Variants in ALB observed in about 807,000 individuals in gnomAD.
ALB encodes albumin, also known as serum albumin.
Under a neutral mutation model 74.5 loss-of-function variants are expected in ALB, and 37 were observed. That is an observed-to-expected ratio of 0.50 (90% confidence interval 0.38 to 0.65). The LOEUF is 0.65. Ranked by LOEUF, ALB falls within the 30% of genes least tolerant of loss-of-function variation. The probability of loss-of-function intolerance (pLI) is 0.00; values close to 1 mark genes in which losing one functional copy is unlikely to be tolerated. For missense variants in ALB, 685 were observed against 718.7 expected, an observed-to-expected ratio of 0.95 and a Z score of 0.54; for synonymous variants, 249 against 251.6, an observed-to-expected ratio of 0.99 and a Z score of 0.10.
At position 73,416,107 on chromosome 4, in the gene ALB, G is replaced by A. The variant is rs532994237; in HGVS notation, c.1192-149G>A. ...AGCTCACCAAATAAATAGTTCGAAT[G>A]TATTGTGACAGAGCGGCATTGATAT... On this transcript the variant is annotated intron_variant, in intron 9 of 14. Transcript: ENST00000295897. 1.8e-5 allele frequency: 12 copies of A among 652,072 alleles called. No homozygotes were observed. In the South Asian group the frequency reaches 2.1e-4, roughly 11 times the overall value. 40.4% of individuals were successfully genotyped at this position (652,072 alleles called of 1,614,324 possible). A position where few individuals can be genotyped will look rare whatever the true frequency, so the allele number is the denominator to read the frequency against.
chr4:73,412,286 T>G, intron 7 of ALB, 161 bp downstream of exon 7: 3 of 900,906 alleles, frequency 3.3e-6, no homozygotes, highest in Non-Finnish European at 5.3e-6. Context: ...GGTGGTACCT[T>G]TCTGTTTTTA....
chr4:73,405,645 C>T (rs1718701588), intron 2 of ALB, among the ~76,000 whole-genome samples: 1 of 151,566 alleles, frequency 6.6e-6, no homozygotes. Context: ...GGCTGGAGTG[C>T]AGTGGCGCAA....
rs1263304231 is a variant in ALB at position 73,409,364 on chromosome 4, T to C, written c.492T>C (p.Tyr164=). The change falls in exon 5 of 15, where the codon TAT becomes TAC. Residue 164 remains tyrosine, a synonymous_variant. Coordinates refer to ENST00000295897, the MANE Select transcript of ALB (RefSeq NM_000477.7). ...CTTTTTCAAAATTTAGATACTTATA[T>C]GAAATTGCCAGAAGACATCCTTACT... ...NEETFLKKYL[Y]EIARRHPYFY... is the part of the protein sequence containing the mutation. The C allele has an allele frequency of 1.9e-6, 3 of 1,613,730 alleles. No homozygotes were observed. The highest frequency in any genetic ancestry group is 2.5e-6 in the Non-Finnish European group (3 of 1,179,684).
intron 11 of ALB, 86 bp downstream of exon 11, chr4:73,417,755 GAAGT>G (rs1452052405): frequency 8.0e-7 from 1 of 1,247,626 alleles, no homozygotes; most frequent in African/African-American, 1.5e-5. Context: ...TAAGCAGAAG[GAAGT>G]AATGTGTGTG....
Position 73,404,424 on chromosome 4 carries a change from C to A in ALB, c.79+18C>A. 1.3e-6 allele frequency: 2 copies of A among 1,587,134 alleles called. No individual in the cohort carries two copies. Among genetic ancestry groups the A allele is most frequent in the South Asian group, 1.1e-5 (1 of 90,490 alleles). On this transcript the variant is annotated intron_variant, in intron 1 of 14. Transcript: ENST00000295897. ...AGATGCACGTAAGAAATCCATTTTT[C>A]TATTGTTCAACTTTTATTCTATTTT...
At chr4:73,420,582 T>C (rs910464987) in intron 14 of ALB, among the ~76,000 whole-genome samples, 2 of 152,194 alleles carry the variant, frequency 1.3e-5, no homozygotes, top group African/African-American at 4.8e-5. Flanking sequence ...AATTCAAAAT[T>C]GAAACCAAAG....
At chr4:73,414,634 T>C (rs1223933088) in intron 8 of ALB, among the ~76,000 whole-genome samples, 1 of 152,116 alleles carries the variant, frequency 6.6e-6, no homozygotes. Context: ...TTTGTATTTT[T>C]AGTAGAGATG....
intron 13 of ALB, 136 bp from the exon 14 acceptor site, chr4:73,420,118 T>A (rs1313578227): frequency 1.3e-6 from 1 of 793,936 alleles, no homozygotes; most frequent in South Asian, 1.7e-5. Flanking sequence ...CCAGAGATTA[T>A]AGTAGTAAAT....
At chr4:73,414,281 G>T (rs1255723302) in intron 8 of ALB, among the ~76,000 whole-genome samples, 1 of 152,138 alleles carries the variant, frequency 6.6e-6, no homozygotes, top group African/African-American at 2.4e-5. Context: ...AGAAGAAAGA[G>T]AATATTTTAA....
rs55883234 is a variant in ALB at position 73,414,928 on chromosome 4, T to C, written c.1059-107T>C. The C allele has an allele frequency of 1.4e-3, 1,898 of 1,396,494 alleles. 23 individuals are homozygous for C. In the African/African-American group the frequency reaches 0.025, roughly 18 times the overall value. 86.5% of individuals were successfully genotyped at this position (1,396,494 alleles called of 1,614,324 possible). On this transcript the variant is annotated intron_variant, in intron 8 of 14. Transcript: ENST00000295897. ...CTACTAAGCTTTACTGCATGGGGTT[T>C]AGTCAAATTAAGACTTTTGGAATAT...
intron 7 of ALB, among the ~76,000 whole-genome samples, chr4:73,412,691 C>T (rs1371675046): frequency 1.3e-5 from 2 of 152,094 alleles, no homozygotes; most frequent in South Asian, 2.1e-4. Context: ...GTGATCCACC[C>T]GCCTTGGCCT....
At chr4:73,414,401 C>T (rs1298643838) in intron 8 of ALB, among the ~76,000 whole-genome samples, 1 of 152,136 alleles carries the variant, frequency 6.6e-6, no homozygotes, top group Non-Finnish European at 1.5e-5. Flanking sequence ...TTCATATGTG[C>T]CAAGCAGTGT....
chr4:73,420,441 G>C, intron 14 of ALB, 120 bp downstream of exon 14: 2 of 572,804 alleles, frequency 3.5e-6, no homozygotes, highest in Non-Finnish European at 5.9e-6. Flanking sequence ...AACTATTTAT[G>C]TATGTAAATA....
At chr4:73,418,377 G>C (rs1382459992) in intron 12 of ALB, 66 bp downstream of exon 12, 33 of 1,437,532 alleles carry the variant, frequency 2.3e-5, no homozygotes, top group Non-Finnish European at 2.8e-5. Context: ...ATTCAAGCTA[G>C]CAACTTTTTC....
intron 6 of ALB, 145 bp downstream of exon 6, chr4:73,410,554 T>TA (rs1718848419): frequency 1.6e-6 from 1 of 636,158 alleles, no homozygotes; most frequent in Non-Finnish European, 2.9e-6. Flanking sequence ...CTAATAGAGG[T>TA]AAAAATCAGA....
Position 73,412,081 on chromosome 4 carries a change from A to G in ALB, c.799A>G (p.Thr267Ala). 3 of 1,614,154 alleles carry G rather than the reference A, an allele frequency of 1.9e-6. No individual in the cohort carries two copies. In the South Asian group the frequency reaches 3.3e-5, roughly 18 times the overall value. The change falls in exon 7 of 15, where the codon ACG becomes GCG. Residue 267 changes from threonine (T) to alanine (A), a missense_variant. Transcript: ENST00000295897. The stretch of plus-strand genomic sequence containing the variant: ...AGTGACAGATCTTACCAAAGTCCAC[A>G]CGGAATGCTGCCATGGAGATCTGCT... Reference protein sequence around the residue: ...KLVTDLTKVHTECCHGDLLEC... With the variant: ...KLVTDLTKVHAECCHGDLLEC...
intron 14 of ALB, 41 bp downstream of exon 14, chr4:73,420,362 G>C: frequency 7.5e-7 from 1 of 1,329,220 alleles, no homozygotes; most frequent in South Asian, 1.3e-5. Flanking sequence ...AACTATAATA[G>C]TTATTATTAA....
chr4:73,408,505 A>T, intron 3 of ALB, 89 bp from the exon 4 acceptor site: 1 of 1,167,412 alleles, frequency 8.6e-7, no homozygotes, highest in Non-Finnish European at 1.3e-6. Context: ...GACCAAGCTT[A>T]ACCAGTATAT....
intron 14 of ALB, among the ~76,000 whole-genome samples, chr4:73,420,533 AC>A (rs1335478077): frequency 6.6e-6 from 1 of 152,196 alleles, no homozygotes; most frequent in African/African-American, 2.4e-5. Context: ...ATGAAGATAA[AC>A]ATCAAAGCAT....
Sources: gnomAD v4.1 joint callset for allele counts (sites outside exome capture counted in the v4.1 genomes callset) on GRCh38, gnomAD v4.1.1 for gene constraint, MANE v1.5 for transcripts, NCBI Gene and HGNC (gene_info 2026-07-23, HGNC 2026-07-21) for gene names.